CFAP46: variants seen among roughly 807,000 people sequenced by gnomAD.
CFAP46 encodes cilia and flagella associated protein 46.
In CFAP46, 245 loss-of-function variants were observed where a neutral mutation model predicts 325.7. The observed-to-expected ratio is 0.75, with a 90% CI of 0.68 to 0.84. CFAP46 has a LOEUF of 0.84. Among genes scored for constraint, CFAP46 ranks in the 40% least tolerant of loss-of-function variants. The pLI, the probability that CFAP46 is intolerant of heterozygous loss-of-function variation, is 0.00. For synonymous variants in CFAP46, 1,523 were observed against 1,495.9 expected, an observed-to-expected ratio of 1.02 and a Z score of -0.42; for missense variants, 3,346 against 3,543.0, an observed-to-expected ratio of 0.94 and a Z score of 1.41.
chr10:132,814,558 A>G lies in CFAP46; in HGVS notation c.7285+19T>C, dbSNP rs1847651479. 1 of 1,554,992 alleles carries G rather than the reference A, an allele frequency of 6.4e-7. No individual in the cohort carries two copies. Among genetic ancestry groups the G allele is most frequent in the Non-Finnish European group, 8.7e-7 (1 of 1,149,818 alleles). On this transcript the variant is annotated intron_variant, in intron 53 of 57. Transcript: ENST00000368586. ...GAGGCTGGCGTGTGCCTGAACAGGG[A>G]GCCCTGTGCAGCACCCACCTGGGCC...
At chr10:132,861,059 G>T in intron 35 of CFAP46, 77 bp from the exon 36 acceptor site, 1 of 1,371,848 alleles carries the variant, frequency 7.3e-7, no homozygotes, top group Non-Finnish European at 1.0e-6. Context: ...CAGGCAGAGA[G>T]AAGGAAGAGG....
Position 132,872,741 on chromosome 10 carries a change from C to G in CFAP46, c.4446G>C (p.Gln1482His), listed in dbSNP as rs1395037981. 2 of 1,550,796 alleles carry G rather than the reference C, an allele frequency of 1.3e-6. No homozygotes were observed. The highest frequency in any genetic ancestry group is 1.7e-6 in the Non-Finnish European group (2 of 1,147,074). The part of the protein sequence containing the change: ...CLHELTVPVL[Q>H]LGVLISDSVV... ...CGGAGTCCGAAATCAGCACCCCCAA[C>G]TGCAGGACGGGAACCGTGAGTTCGT... Residue 1482 changes from glutamine (Q) to histidine (H), a missense_variant, in exon 32 of 58, where the codon CAG (glutamine) becomes CAC (histidine). Physicochemically the swap from Gln to His is conservative, Grantham distance 24 (BLOSUM62 0). Transcript: ENST00000368586.
In CFAP46 at chr10:132,910,055, G is replaced by A. The variant is rs1339647575; in HGVS notation, c.2513C>T (p.Ala838Val). The A allele has an allele frequency of 4.0e-6, 6 of 1,503,168 alleles. No homozygotes were observed. The highest frequency in any genetic ancestry group is 2.8e-5 in the African/African-American group (2 of 70,624). 93.1% of individuals were successfully genotyped at this position (1,503,168 alleles called of 1,614,324 possible). ...IKTAVEVCEF[A>V]LNLTNGSAPE... Reference sequence around the variant, plus strand: ...CGCACTCCCATTGGTCAGGTTCAGGGCAAACTCGCAGACCTAGGACAGACG... The same window carrying A: ...CGCACTCCCATTGGTCAGGTTCAGGACAAACTCGCAGACCTAGGACAGACG... Residue 838 changes from alanine (A) to valine (V), a missense_variant, in exon 20 of 58, where the codon GCC becomes GTC. Ala to Val is a moderately conservative substitution (Grantham distance 64). Coordinates refer to ENST00000368586, the MANE Select transcript of CFAP46 (RefSeq NM_001200049.3).
At chr10:132,899,492 C>T (rs937693875) in intron 23 of CFAP46, 43 bp downstream of exon 23, 14 of 1,510,810 alleles carry the variant, frequency 9.3e-6, no homozygotes, top group Admixed American at 6.3e-5. Flanking sequence ...CCCGCACGGC[C>T]GGGGAGGGAC....
At chr10:132,821,823 GTCTGTGCGC>G (rs1847842332) in intron 50 of CFAP46, among the ~76,000 whole-genome samples, 1 of 140,754 alleles carries the variant, frequency 7.1e-6, no homozygotes, top group African/African-American at 2.8e-5. Flanking sequence ...GATGTGTGCT[GTCTGTGCGC>G]TGTGTGCTGT....
At chr10:132,872,952 C>T (rs1027929123) in intron 31 of CFAP46, 128 bp from the exon 32 acceptor site, 17 of 1,039,686 alleles carry the variant, frequency 1.6e-5, no homozygotes, top group South Asian at 3.2e-5. Flanking sequence ...AGGTGCTCAG[C>T]GCGTGTCCGC....
rs1337638543 is a variant in CFAP46, at chr10:132,847,936, G to C, written c.5953-615C>G. Reference sequence around the variant, plus strand: ...ATGTCCCCGTTCTAGTAGGCTGCCTGAATGCAGGCAAAAACCAGCAAGCAC... The same window carrying C: ...ATGTCCCCGTTCTAGTAGGCTGCCTCAATGCAGGCAAAAACCAGCAAGCAC... On this transcript the variant is annotated intron_variant, in intron 41 of 57. Transcript: ENST00000368586. This position sits in a 1 kb window ranked among gnomAD's most constrained non-coding sequence, Gnocchi z 5.2. 7.9e-5 allele frequency among the ~76,000 whole-genome samples: 12 copies of C among 152,318 alleles called. 1 individual carries two copies. The South Asian group carries it at 1.5e-3, about 18-fold the overall frequency.
At chr10:132,825,183 CTG>C (rs1848022117) in intron 50 of CFAP46, among the ~76,000 whole-genome samples, 1 of 131,694 alleles carries the variant, frequency 7.6e-6, no homozygotes, top group South Asian at 2.4e-4. Flanking sequence ...TGTGTGTGTG[CTG>C]TGTGCTGTGT....
chr10:132,931,992 CCTCCCCACA>C (rs1426692066), intron 8 of CFAP46, among the ~76,000 whole-genome samples: 4 of 142,252 alleles, frequency 2.8e-5, no homozygotes, highest in African/African-American at 1.1e-4. Flanking sequence ...AGAGCCTGGG[CCTCCCCACA>C]CTCCCCACAC....
chr10:132,852,801 G>A (rs2135160651), intron 39 of CFAP46, among the ~76,000 whole-genome samples: 2 of 152,320 alleles, frequency 1.3e-5, no homozygotes, highest in Middle Eastern at 3.4e-3. Flanking sequence ...TTTTGGGACA[G>A]ATTTCATTTT....
rs555941834 is a variant in CFAP46 at position 132,828,079 on chromosome 10, G to A, written c.7117+5279C>T. ...GTGGCCGCACCCCAATGTGCTCATC[G>A]CCCACTGGGTGTCCAGGTGTCCGTC... On this transcript the variant is annotated intron_variant, in intron 50 of 57. Coordinates refer to ENST00000368586, the MANE Select transcript of CFAP46 (RefSeq NM_001200049.3). The surrounding 1 kb of genome is among the most constrained non-coding windows in gnomAD (Gnocchi z 4.9). Among the ~76,000 whole-genome samples, 13 of 152,312 alleles carry A rather than the reference G, an allele frequency of 8.5e-5. No homozygotes were observed. Among genetic ancestry groups the A allele is most frequent in the Non-Finnish European group, 1.6e-4 (11 of 68,032 alleles).
At chr10:132,866,510 T>A (rs529405241) in intron 34 of CFAP46, among the ~76,000 whole-genome samples, 1 of 152,310 alleles carries the variant, frequency 6.6e-6, no homozygotes, top group African/African-American at 2.4e-5. Context: ...TTGCCCCACC[T>A]CGTGGTGCCG....
Position 132,937,978 on chromosome 10 carries a change from C to T in CFAP46, c.537-303G>A, listed in dbSNP as rs544500669. Among the ~76,000 whole-genome samples the T allele has an allele frequency of 3.9e-5, 6 of 152,320 alleles. No individual in the cohort carries two copies. In the East Asian group the frequency reaches 7.7e-4, roughly 20 times the overall value. On this transcript the variant is annotated intron_variant, in intron 5 of 57. Coordinates refer to ENST00000368586, the MANE Select transcript of CFAP46 (RefSeq NM_001200049.3). ...CACCTGCAGGCTGTGGGCTTGGTGC[C>T]GAGGGGAGCTGCTCTGGAGTTGGCA...
rs1849244506 is a variant in CFAP46 at position 132,890,854 on chromosome 10, T to C, written c.3304+1479A>G. ...ACATGGCCACACTTTTGTTTATTAT[T>C]TTAAATCAACTTTGCTTCTCTAAAT... is the stretch of plus-strand genomic sequence containing the variant. On this transcript the variant is annotated intron_variant, in intron 25 of 57. Coordinates refer to ENST00000368586, the MANE Select transcript of CFAP46 (RefSeq NM_001200049.3). 2.0e-5 allele frequency among the ~76,000 whole-genome samples: 3 copies of C among 152,238 alleles called. No individual in the cohort carries two copies. The South Asian group carries it at 6.2e-4, about 31-fold the overall frequency.
chr10:132,871,213 C>T (rs1046090559), intron 32 of CFAP46, among the ~76,000 whole-genome samples: 1 of 152,240 alleles, frequency 6.6e-6, no homozygotes, highest in Non-Finnish European at 1.5e-5. Context: ...AATAGTACTG[C>T]TCATTGGCAA....
At chr10:132,908,415 C>G in intron 22 of CFAP46, 53 bp downstream of exon 22, 1 of 1,543,000 alleles carries the variant, frequency 6.5e-7, no homozygotes, top group South Asian at 1.2e-5. Flanking sequence ...AGGCCCAGGC[C>G]TGCGCTCCCT....
At position 132,847,805 on chromosome 10, in the gene CFAP46, C is replaced by G. The variant is rs73391260; in HGVS notation, c.5953-484G>C. 0.069 allele frequency among the ~76,000 whole-genome samples: 10,542 copies of G among 152,228 alleles called. 904 individuals are homozygous for G. Among genetic ancestry groups the G allele is most frequent in the African/African-American group, 0.2 (8,372 of 41,510 alleles). On this transcript the variant is annotated intron_variant, in intron 41 of 57. Coordinates refer to ENST00000368586, the MANE Select transcript of CFAP46 (RefSeq NM_001200049.3). The surrounding 1 kb of genome is among the most constrained non-coding windows in gnomAD (Gnocchi z 5.2). ...AGAACCTGGGTTGAGAGGGAGCCCC[C>G]TGGGTTTTCGGGACACAAGGTATCG...
At position 132,884,518 on chromosome 10, in the gene CFAP46, G is replaced by A. The variant is rs114725420; in HGVS notation, c.3627+585C>T. Among the ~76,000 whole-genome samples the A allele has an allele frequency of 5.2e-3, 786 of 152,148 alleles. 6 individuals are homozygous for A. Among genetic ancestry groups the A allele is most frequent in the African/African-American group, 0.017 (720 of 41,526 alleles). On this transcript the variant is annotated intron_variant, in intron 27 of 57. Transcript: ENST00000368586. This position sits in a 1 kb window ranked among gnomAD's most constrained non-coding sequence, Gnocchi z 5.4. ...CACCAGGGGCCTGGGATGCCTTTTC[G>A]TCCCCAAGATGAAGTTCTCAGGTGC...
chr10:132,904,475 G>A (rs1361474279), intron 22 of CFAP46, among the ~76,000 whole-genome samples: 1 of 152,256 alleles, frequency 6.6e-6, no homozygotes, highest in East Asian at 1.9e-4. Flanking sequence ...TCTTAACGTG[G>A]AAATCCAATT....
Sources: allele counts gnomAD v4.1 joint callset (sites outside exome capture counted in the v4.1 genomes callset), GRCh38; gene constraint gnomAD v4.1.1; non-coding constraint Gnocchi (gnomAD v3.1); transcripts MANE v1.5; gene names NCBI Gene and HGNC (gene_info 2026-07-23, HGNC 2026-07-21).